Variants in ZIM3 observed in about 807,000 individuals in gnomAD.
The protein encoded by ZIM3 is zinc finger protein 657.
In ZIM3, 11 loss-of-function variants were observed where a neutral mutation model predicts 12.9. That is an observed-to-expected ratio of 0.85 (90% CI 0.54 to 1.41). ZIM3 has a LOEUF of 1.41. ZIM3 is among the 40% of genes most tolerant of loss of function. The pLI is 0.00. For synonymous variants in ZIM3, 205 were observed against 198.5 expected (o/e 1.03, Z -0.28); for missense variants, 604 against 557.2 (o/e 1.08, Z -0.85).
intron 1 of ZIM3, among the ~76,000 whole-genome samples, chr19:57,143,571 T>G (rs954499071): frequency 1.3e-5 from 2 of 151,970 alleles, no homozygotes; most frequent in Non-Finnish European, 2.9e-5. Context: ...TCATTGGTAA[T>G]TCTTTGCCAA....
At chr19:57,137,599 G>A (rs1026577185) in intron 3 of ZIM3, among the ~76,000 whole-genome samples, 14 of 151,868 alleles carry the variant, frequency 9.2e-5, no homozygotes, top group African/African-American at 3.1e-4. Context: ...TGTAATCCCA[G>A]CTACTCGGGA....
chr19:57,136,969 G>C lies in ZIM3; in HGVS notation c.145C>G (p.Gln49Glu). ...ACATCGGGTTTGGTGGTTTCCCCTTGTCCTGTGATGGAAGATACCGCAAGG... is the reference window on the plus strand; with the variant it reads ...ACATCGGGTTTGGTGGTTTCCCCTTCTCCTGTGATGGAAGATACCGCAAGG... ...ENYSNLVSVG[Q>E]GETTKPDVIL... The change falls in exon 4 of 5, where the codon CAA becomes GAA. Residue 49 changes from glutamine to glutamate, a missense_variant and splice_region_variant. By Grantham distance (29) the Gln-to-Glu change is conservative. Transcript: ENST00000269834. 1.2e-6 allele frequency: 2 copies of C among 1,614,132 alleles called. No individual in the cohort carries two copies. The highest frequency in any genetic ancestry group is 8.5e-7 in the Non-Finnish European group (1 of 1,180,004).
chr19:57,135,008 T>C lies in ZIM3; in HGVS notation c.1329A>G (p.Gly443=), dbSNP rs1261817526. 6.2e-7 allele frequency: 1 copy of C among 1,614,184 alleles called. No homozygotes were observed. The highest frequency in any genetic ancestry group is 1.7e-5 in the Admixed American group (1 of 60,024). ...ATTCAGAACATCCATAAGGTTTTTG[T>C]CCAGTATGGGTTTTTTTATGCAAAC... is the stretch of plus-strand genomic sequence containing the variant. ...NLSLHKKTHT[G]QKPYGCSECG... is the part of the protein sequence containing the mutation. Residue 443 remains glycine, a synonymous_variant, in exon 5 of 5, where the codon GGA becomes GGG. Coordinates refer to ENST00000269834, the MANE Select transcript of ZIM3 (RefSeq NM_052882.1).
chr19:57,135,825 G>A lies in ZIM3; in HGVS notation c.512C>T (p.Ala171Val), dbSNP rs2086884020. ...CTTTGAACTGAATAACTTTCTACAG[G>A]CATTACATTTCAGTTGTTGTCCTAC... ...KFVGQQLKCN[A>V]CRKLFSSKSR... The change falls in exon 5 of 5, where the codon GCC becomes GTC. Residue 171 changes from alanine to valine, a missense_variant. Transcript: ENST00000269834. The A allele has an allele frequency of 6.2e-7, 1 of 1,614,028 alleles. No homozygotes were observed. Among genetic ancestry groups the A allele is most frequent in the Non-Finnish European group, 8.5e-7 (1 of 1,180,002 alleles).
chr19:57,141,234 A>C (rs913018799), intron 2 of ZIM3, among the ~76,000 whole-genome samples: 2 of 151,914 alleles, frequency 1.3e-5, no homozygotes, highest in Admixed American at 6.6e-5. Flanking sequence ...ATCTCTACTA[A>C]AAATACAAAA....
chr19:57,138,291 A>G (rs906615172), intron 3 of ZIM3, among the ~76,000 whole-genome samples, 181 bp downstream of exon 3: 2 of 152,194 alleles, frequency 1.3e-5, no homozygotes, highest in African/African-American at 4.8e-5. Flanking sequence ...GACCCTGAGA[A>G]TGGGGGCTCC....
chr19:57,137,874 G>A lies in ZIM3; in HGVS notation c.142+598C>T, dbSNP rs199576779. Among the ~76,000 whole-genome samples, 163 of 58,638 alleles carry A rather than the reference G, an allele frequency of 2.8e-3. 12 individuals are homozygous for A. Among genetic ancestry groups the A allele is most frequent in the Middle Eastern group, 0.01 (1 of 98 alleles). 38.5% of individuals were successfully genotyped at this position (58,638 alleles called of 152,430 possible). A position where few individuals can be genotyped will look rare whatever the true frequency, so the allele number is the denominator to read the frequency against. The stretch of plus-strand genomic sequence containing the variant: ...AGGAAGGAAGGAAGGAAGGAAAGAA[G>A]GAAGGAAGGAAGGAAAGAAGGAAGG... On this transcript the variant is annotated intron_variant, in intron 3 of 4. Transcript: ENST00000269834.
At chr19:57,136,773 C>A (rs2086889039) in intron 4 of ZIM3, 100 bp downstream of exon 4, 9 of 931,810 alleles carry the variant, frequency 9.7e-6, no homozygotes, top group Non-Finnish European at 1.6e-5. Flanking sequence ...TTCCAGCACT[C>A]CCAGGAAGTC....
chr19:57,135,639 T>G lies in ZIM3; in HGVS notation c.698A>C (p.Lys233Thr). The G allele has an allele frequency of 6.2e-7, 1 of 1,612,050 alleles. No homozygotes were observed. Among genetic ancestry groups the G allele is most frequent in the Middle Eastern group, 1.7e-4 (1 of 6,060 alleles). ...YKCENCGNAYKQKSNLFQHQK... is the reference protein window; with the variant it reads ...YKCENCGNAYTQKSNLFQHQK... ...ATGTTGAAAGAGATTTGACTTCTGCTTGTAGGCATTTCCACAGTTCTCACA... is the reference window on the plus strand; with the variant it reads ...ATGTTGAAAGAGATTTGACTTCTGCGTGTAGGCATTTCCACAGTTCTCACA... The change falls in exon 5 of 5, where the codon AAG becomes ACG. Residue 233 changes from lysine to threonine, a missense_variant. Coordinates refer to ENST00000269834, the MANE Select transcript of ZIM3 (RefSeq NM_052882.1).
chr19:57,140,615 C>T (rs1371530569), intron 2 of ZIM3, among the ~76,000 whole-genome samples: 1 of 152,156 alleles, frequency 6.6e-6, no homozygotes, highest in Non-Finnish European at 1.5e-5. Flanking sequence ...GCTGGGACTA[C>T]AGGCATGCAC....
intron 3 of ZIM3, among the ~76,000 whole-genome samples, chr19:57,138,134 G>GGAA (rs2086898276): frequency 1.1e-5 from 1 of 87,960 alleles, no homozygotes; most frequent in African/African-American, 3.6e-5. Flanking sequence ...GAGGGAGGGA[G>GGAA]GGAGGGAAGG....
rs973642876 is a variant in ZIM3 at position 57,138,518 on chromosome 19, C to T, written c.96G>A (p.Leu32=). ...WQRLNPEQRN[L]YRDVMLENYS... is the part of the protein sequence containing the mutation. ...AATTCTCCAGCATCACATCCCTGTA[C>T]AAGTTTCTCTGTTCGGGATTCAGCC... The change falls in exon 3 of 5, where the codon TTG becomes TTA. Residue 32 remains leucine, a synonymous_variant. Coordinates refer to ENST00000269834, the MANE Select transcript of ZIM3 (RefSeq NM_052882.1). The T allele has an allele frequency of 6.2e-7, 1 of 1,614,026 alleles. No homozygotes were observed. Among genetic ancestry groups the T allele is most frequent in the Admixed American group, 1.7e-5 (1 of 59,994 alleles).
At position 57,135,657 on chromosome 19, in the gene ZIM3, T is replaced by C; in HGVS notation, c.680A>G (p.Asn227Ser). The C allele has an allele frequency of 6.2e-7, 1 of 1,612,774 alleles. No individual in the cohort carries two copies. The highest frequency in any genetic ancestry group is 8.5e-7 in the Non-Finnish European group (1 of 1,179,036). The change falls in exon 5 of 5, where the codon AAC (asparagine) becomes AGC (serine). Residue 227 changes from asparagine to serine, a missense_variant. Coordinates refer to ENST00000269834, the MANE Select transcript of ZIM3 (RefSeq NM_052882.1). ...HAEERPYKCE[N>S]CGNAYKQKSN... ...CTTCTGCTTGTAGGCATTTCCACAG[T>C]TCTCACATTTATAGGGCCTTTCCTC...
rs542122913 is a variant in ZIM3, at chr19:57,134,810, C to A, written c.*108G>T. On this transcript the variant is annotated 3_prime_UTR_variant, in exon 5 of 5. Coordinates refer to ENST00000269834, the MANE Select transcript of ZIM3 (RefSeq NM_052882.1). ...AGGATACTGTGATAATAAGTCCTCG[C>A]TACCTTCAAAAATAGCCTCCAAATT... is the stretch of plus-strand genomic sequence containing the variant. 7 of 1,184,670 alleles carry A rather than the reference C, an allele frequency of 5.9e-6. No individual in the cohort carries two copies. In the African/African-American group the frequency reaches 7.7e-5, roughly 13 times the overall value. The allele number at this position is 1,184,670 out of a possible 1,614,324, so 73.4% of individuals were successfully genotyped here.
Position 57,134,573 on chromosome 19 carries a change from C to T in ZIM3, c.*345G>A, listed in dbSNP as rs533012274. 31 of 190,696 alleles carry T rather than the reference C, an allele frequency of 1.6e-4. No individual in the cohort carries two copies. The South Asian group carries it at 2.7e-3, about 16-fold the overall frequency. The allele number at this position is 190,696 out of a possible 1,614,324, so 11.8% of individuals were successfully genotyped here. A position where few individuals can be genotyped will look rare whatever the true frequency, so the allele number is the denominator to read the frequency against. Reference sequence around the variant, plus strand: ...GGGATTACAGGCATTTGAGCCACCACGCCTGGCCAAAAGTATAGTCTTTTA... The same window carrying T: ...GGGATTACAGGCATTTGAGCCACCATGCCTGGCCAAAAGTATAGTCTTTTA... On this transcript the variant is annotated 3_prime_UTR_variant, in exon 5 of 5. Coordinates refer to ENST00000269834, the MANE Select transcript of ZIM3 (RefSeq NM_052882.1).
rs932232675 is a variant in ZIM3 at position 57,138,733 on chromosome 19, C to T, written c.16-135G>A. 3.1e-5 allele frequency: 37 copies of T among 1,194,766 alleles called. No individual in the cohort carries two copies. In the Admixed American group the frequency reaches 3.3e-4, roughly 11 times the overall value. 74.0% of individuals were successfully genotyped at this position (1,194,766 alleles called of 1,614,324 possible). ...CTACTCTGGATGAAAATAAATTGTG[C>T]CCAGAGGATCTTGCCAATGAGCCAT... is the stretch of plus-strand genomic sequence containing the variant. On this transcript the variant is annotated intron_variant, in intron 2 of 4. Coordinates refer to ENST00000269834, the MANE Select transcript of ZIM3 (RefSeq NM_052882.1).
At position 57,135,298 on chromosome 19, in the gene ZIM3, T is replaced by G; in HGVS notation, c.1039A>C (p.Lys347Gln). The G allele has an allele frequency of 1.9e-6, 3 of 1,614,148 alleles. No individual in the cohort carries two copies. The highest frequency in any genetic ancestry group is 1.7e-5 in the Admixed American group (1 of 60,020). The change falls in exon 5 of 5, where the codon AAA becomes CAA. Residue 347 changes from lysine (K) to glutamine (Q), a missense_variant. Lys to Gln is a moderately conservative substitution (Grantham distance 53). Coordinates refer to ENST00000269834, the MANE Select transcript of ZIM3 (RefSeq NM_052882.1). ...TTCTCATGATCGATGACATTGGATT[T>G]CTGGGAAAAGGCCTTCTCACATATG... ...CSICEKAFSQ[K>Q]SNVIDHEKIH...
chr19:57,140,140 C>G (rs891276223), intron 2 of ZIM3, among the ~76,000 whole-genome samples: 3 of 152,172 alleles, frequency 2.0e-5, no homozygotes, highest in Non-Finnish European at 4.4e-5. Flanking sequence ...TGTTTGTGCT[C>G]TAGCTCGCTT....
chr19:57,137,052 T>C, intron 3 of ZIM3, 81 bp from the exon 4 acceptor site: 1 of 1,242,032 alleles, frequency 8.1e-7, no homozygotes, highest in Non-Finnish European at 1.2e-6. Flanking sequence ...ATATAAGCGC[T>C]TGCGTATGCT....
Sources: allele counts gnomAD v4.1 joint callset (sites outside exome capture counted in the v4.1 genomes callset), GRCh38; gene constraint gnomAD v4.1.1; transcripts MANE v1.5; gene names NCBI Gene and HGNC (gene_info 2026-07-23, HGNC 2026-07-21).